Variants in KIAA1671 observed in about 807,000 individuals in gnomAD.
The protein encoded by KIAA1671 is KIAA1671, also known as uncharacterized protein KIAA1671.
Under a neutral mutation model 131.2 loss-of-function variants are expected in KIAA1671, and 52 were observed. The observed-to-expected ratio is 0.40, with a 90% CI of 0.32 to 0.50. The LOEUF is 0.50. KIAA1671 is among the 20% of genes least tolerant of loss of function. The pLI, the probability that KIAA1671 is intolerant of heterozygous loss-of-function variation, is 0.73. For missense variants in KIAA1671, 2,360 were observed against 2,364.2 expected, an observed-to-expected ratio of 1.00 and a Z score of 0.04; for synonymous variants, 1,003 against 961.6, an observed-to-expected ratio of 1.04 and a Z score of -0.80.
chr22:24,998,447 C>T (rs961809744), intron 1 of KIAA1671, among the ~76,000 whole-genome samples: 19 of 151,698 alleles, frequency 1.3e-4, no homozygotes, highest in Non-Finnish European at 2.4e-4. Flanking sequence ...GGGCCGGGCA[C>T]GGTGGCTCAC....
At chr22:25,026,211 G>A (rs1311142895) in intron 2 of KIAA1671, among the ~76,000 whole-genome samples, 1 of 152,176 alleles carries the variant, frequency 6.6e-6, no homozygotes, top group African/African-American at 2.4e-5. Flanking sequence ...AGGCTGCTGA[G>A]TGAGTCAGAG....
chr22:24,957,005 A>C (rs1406729508), intron 1 of KIAA1671, among the ~76,000 whole-genome samples: 1 of 152,110 alleles, frequency 6.6e-6, no homozygotes, highest in African/African-American at 2.4e-5. Flanking sequence ...TATCTGTAAA[A>C]AGGGCTCATG....
intron 1 of KIAA1671, among the ~76,000 whole-genome samples, chr22:24,978,305 T>G (rs571815385): frequency 5.9e-5 from 9 of 152,164 alleles, no homozygotes; most frequent in Non-Finnish European, 1.3e-4. Flanking sequence ...TTTTGCCTCT[T>G]CCTCATTTTT....
intron 1 of KIAA1671, 53 bp from the exon 2 acceptor site, chr22:25,025,580 T>A (rs1925905223): frequency 6.6e-6 from 1 of 152,248 alleles, no homozygotes; most frequent in Non-Finnish European, 1.5e-5. Context: ...GTGCCGTCTG[T>A]TCCCATACTG....
rs75139744 is a variant in KIAA1671, at chr22:25,042,221, C to T, written c.4395+696C>T. Reference sequence around the variant, plus strand: ...TGTCTGCTAGCCCCATGCAGCGCGCCGGCCACCTGTTTTACACTTCTGTCC... The same window carrying T: ...TGTCTGCTAGCCCCATGCAGCGCGCTGGCCACCTGTTTTACACTTCTGTCC... On this transcript the variant is annotated intron_variant, in intron 5 of 12. Coordinates refer to ENST00000358431, the MANE Select transcript of KIAA1671 (RefSeq NM_001145206.2). 2.8e-3 allele frequency among the ~76,000 whole-genome samples: 426 copies of T among 152,252 alleles called. 1 individual carries two copies. The highest frequency in any genetic ancestry group is 9.7e-3 in the African/African-American group (404 of 41,548).
Position 25,029,385 on chromosome 22 carries a change from C to T in KIAA1671, c.1386C>T (p.Thr462=), listed in dbSNP as rs1381107089. Residue 462 remains threonine, a synonymous_variant, in exon 3 of 13, where the codon ACC becomes ACT. Coordinates refer to ENST00000358431, the MANE Select transcript of KIAA1671 (RefSeq NM_001145206.2). ...LAVGSESPLA[T]PASPSAAPEP... ...TGGGGTCTGAATCTCCCCTGGCCACCCCTGCGTCCCCATCGGCGGCACCAG... is the reference window on the plus strand; with the variant it reads ...TGGGGTCTGAATCTCCCCTGGCCACTCCTGCGTCCCCATCGGCGGCACCAG... The T allele has an allele frequency of 5.1e-5, 79 of 1,551,406 alleles. No individual in the cohort carries two copies. Among genetic ancestry groups the T allele is most frequent in the Non-Finnish European group, 6.4e-5 (73 of 1,146,848 alleles).
chr22:25,095,535 C>T (rs185625226), intron 6 of KIAA1671, among the ~76,000 whole-genome samples: 131 of 152,206 alleles, frequency 8.6e-4, no homozygotes, highest in African/African-American at 3.0e-3. Context: ...CCTGTAGTGC[C>T]AGCTACTCGG....
At chr22:25,129,513 A>T (rs1239477831) in intron 6 of KIAA1671, among the ~76,000 whole-genome samples, 2 of 151,772 alleles carry the variant, frequency 1.3e-5, no homozygotes, top group Non-Finnish European at 2.9e-5. Flanking sequence ...ATCTGAAAAA[A>T]AAAAAAAACC....
intron 6 of KIAA1671, chr22:25,056,293 T>C (rs1265564288): frequency 6.8e-6 from 1 of 147,042 alleles, no homozygotes; most frequent in African/African-American, 2.4e-5. Context: ...AATTTATAAC[T>C]TTGATGAAGT....
intron 1 of KIAA1671, among the ~76,000 whole-genome samples, chr22:25,022,000 T>G (rs1370225072): frequency 2.6e-5 from 4 of 151,950 alleles, no homozygotes; most frequent in African/African-American, 9.7e-5. Context: ...GGTCTCGATC[T>G]CCTGACCTCG....
intron 1 of KIAA1671, among the ~76,000 whole-genome samples, chr22:25,002,738 A>G (rs1224763821): frequency 1.3e-5 from 2 of 151,640 alleles, no homozygotes; most frequent in East Asian, 3.9e-4. Context: ...TGACATTTGT[A>G]TATTTGGAAA....
chr22:25,027,010 G>A (rs1476898309), intron 2 of KIAA1671, among the ~76,000 whole-genome samples: 3 of 152,140 alleles, frequency 2.0e-5, no homozygotes, highest in Admixed American at 2.0e-4. Flanking sequence ...CACTAAATAG[G>A]GTTGTGAGGA....
At chr22:25,155,243 T>G (rs180745830) in intron 6 of KIAA1671, among the ~76,000 whole-genome samples, 7 of 152,370 alleles carry the variant, frequency 4.6e-5, no homozygotes, top group Non-Finnish European at 8.8e-5. Context: ...GTTAATTCCC[T>G]TGCACTGATA....
intron 6 of KIAA1671, among the ~76,000 whole-genome samples, chr22:25,091,877 C>T (rs713880): frequency 0.17 from 26,541 of 152,118 alleles, 2,380 homozygotes; most frequent in South Asian, 0.28. Flanking sequence ...TCTTCATCAC[C>T]GTCTTGTGGG....
chr22:25,097,394 G>A (rs9612860), intron 6 of KIAA1671, among the ~76,000 whole-genome samples: 7,352 of 152,276 alleles, frequency 0.048, 248 homozygotes, highest in Non-Finnish European at 0.075. Flanking sequence ...GCTGGTATTA[G>A]TATGGGGTTC....
rs1349895385 is a variant in KIAA1671, at chr22:25,041,027, G to T, written c.3897G>T (p.Leu1299=). 1.3e-6 allele frequency: 2 copies of T among 1,491,768 alleles called. No homozygotes were observed. Among genetic ancestry groups the T allele is most frequent in the Admixed American group, 4.8e-5 (2 of 41,728 alleles). 92.4% of individuals were successfully genotyped at this position (1,491,768 alleles called of 1,614,324 possible). A position where few individuals can be genotyped will look rare whatever the true frequency, so the allele number is the denominator to read the frequency against. The part of the protein sequence containing the change: ...GTKSSPPFWA[L]PPSAPSERYP... The stretch of plus-strand genomic sequence containing the variant: ...AATCTAGCCCTCCCTTCTGGGCTCT[G>T]CCACCCTCGGCTCCTTCTGAAAGGT... Residue 1299 remains leucine (L), a synonymous_variant, in exon 5 of 13, where the codon CTG becomes CTT. Transcript: ENST00000358431.
chr22:25,153,414 C>T (rs1933115104), intron 6 of KIAA1671, among the ~76,000 whole-genome samples: 1 of 152,216 alleles, frequency 6.6e-6, no homozygotes, highest in Non-Finnish European at 1.5e-5. Flanking sequence ...CCACATTGCA[C>T]AGGACGGCCC....
rs56860953 is a variant in KIAA1671, at chr22:24,960,130, CAAATAAATAAATAAAT to C, written c.-208+7382_-208+7397del. 2.3e-4 allele frequency among the ~76,000 whole-genome samples: 34 copies of C among 146,998 alleles called. No homozygotes were observed. The East Asian group carries it at 3.2e-3, about 14-fold the overall frequency. On this transcript the variant is annotated intron_variant, in intron 1 of 12. Coordinates refer to ENST00000358431, the MANE Select transcript of KIAA1671 (RefSeq NM_001145206.2). ...CTGGCGACAGAGTGAGACTCCGTCT[CAAATAAATAAATAAAT>C]AAATAAATAAATAAATAAATAAAAT...
chr22:25,088,990 A>G (rs1027022258), intron 6 of KIAA1671, among the ~76,000 whole-genome samples: 6 of 152,210 alleles, frequency 3.9e-5, no homozygotes, highest in Non-Finnish European at 2.9e-5. Context: ...AGAAAAATGT[A>G]TGGTTGTATC....
Sources: gnomAD v4.1 joint callset for allele counts (sites outside exome capture counted in the v4.1 genomes callset) on GRCh38, gnomAD v4.1.1 for gene constraint, MANE v1.5 for transcripts, NCBI Gene and HGNC (gene_info 2026-07-23, HGNC 2026-07-21) for gene names.